The following ZFP30 variants were observed in gnomAD, a reference collection of about 807,000 sequenced individuals.
ZFP30 encodes zinc finger protein 30 homolog.
Under a neutral mutation model 12.3 loss-of-function variants are expected in ZFP30, and 16 were observed. That is an observed-to-expected ratio of 1.30 (90% CI 0.88 to 1.98). The LOEUF (loss-of-function observed/expected upper bound fraction) is 1.98. Ranked by LOEUF, ZFP30 falls within the 30% of genes most tolerant of loss-of-function variation. ZFP30 has a pLI of 0.00. For missense variants in ZFP30, 560 were observed against 611.2 expected, an observed-to-expected ratio of 0.92 and a Z score of 0.88; for synonymous variants, 172 against 201.0, an observed-to-expected ratio of 0.86 and a Z score of 1.22.
At chr19:37,636,450 T>C (rs539763021) in intron 5 of ZFP30, 145 bp from the exon 6 acceptor site, 21 of 845,520 alleles carry the variant, frequency 2.5e-5, no homozygotes, top group Non-Finnish European at 3.4e-5. Flanking sequence ...ATCTCTAAAA[T>C]AGGTAATTTA....
chr19:37,635,688 G>T lies in ZFP30; in HGVS notation c.853C>A (p.Leu285Ile). The T allele has an allele frequency of 6.2e-7, 1 of 1,614,114 alleles. No individual in the cohort carries two copies. Among genetic ancestry groups the T allele is most frequent in the South Asian group, 1.1e-5 (1 of 91,074 alleles). Residue 285 changes from leucine to isoleucine, a missense_variant, in exon 6 of 6, where the codon CTT becomes ATT. Transcript: ENST00000684514. ...CGKAFRQYAH[L>I]TRHQRLNIAE... The stretch of plus-strand genomic sequence containing the variant: ...ATGTTCAGTCTCTGATGTCGAGTAA[G>T]GTGTGCATACTGCCTAAAGGCCTTC...
intron 3 of ZFP30, among the ~76,000 whole-genome samples, chr19:37,646,295 G>A (rs1199195760): frequency 6.6e-6 from 1 of 152,052 alleles, no homozygotes; most frequent in Non-Finnish European, 1.5e-5. Flanking sequence ...TGATGGATAT[G>A]TTACACTTAA....
intron 5 of ZFP30, among the ~76,000 whole-genome samples, chr19:37,637,974 T>C (rs1236377909): frequency 1.3e-5 from 2 of 152,250 alleles, no homozygotes; most frequent in Non-Finnish European, 2.9e-5. Flanking sequence ...TCAACAATTA[T>C]GGCATATGGT....
intron 3 of ZFP30, among the ~76,000 whole-genome samples, chr19:37,647,081 T>C (rs1352363771): frequency 6.6e-6 from 1 of 152,220 alleles, no homozygotes; most frequent in Non-Finnish European, 1.5e-5. Flanking sequence ...ATTTGACTAC[T>C]AGAAAATTTT....
In ZFP30 at chr19:37,654,809, G is replaced by C. The variant is rs2044718879; in HGVS notation, c.-175C>G. On this transcript the variant is annotated 5_prime_UTR_variant, in exon 2 of 6. Transcript: ENST00000684514. ...GGCTGGGGAAGCAGGCAGAGTTCAG[G>C]ACACCCCAGGCTTTTCTTGACTCGA... 1 of 152,252 alleles carries C rather than the reference G, an allele frequency of 6.6e-6. No homozygotes were observed. The highest frequency in any genetic ancestry group is 1.5e-5 in the Non-Finnish European group (1 of 68,140). The allele number at this position is 152,252 out of a possible 1,614,324, so 9.4% of individuals were successfully genotyped here. A position where few individuals can be genotyped will look rare whatever the true frequency, so the allele number is the denominator to read the frequency against.
chr19:37,655,618 C>A (rs886243231), upstream of ZFP30: 1 of 152,486 alleles, frequency 6.6e-6, no homozygotes, highest in African/African-American at 2.4e-5. Context: ...GCCGCAGTGT[C>A]CCTCGCCTCA....
chr19:37,642,887 C>T (rs1453782496), intron 5 of ZFP30, among the ~76,000 whole-genome samples: 1 of 151,732 alleles, frequency 6.6e-6, no homozygotes. Flanking sequence ...CCCGTCTCTA[C>T]TAAAAATTCA....
chr19:37,641,785 C>T (rs2044440824), intron 5 of ZFP30, among the ~76,000 whole-genome samples: 1 of 152,228 alleles, frequency 6.6e-6, no homozygotes, highest in African/African-American at 2.4e-5. Flanking sequence ...TCACAGAATA[C>T]AACTGTTGAC....
At chr19:37,645,078 G>A (rs189303310) in intron 3 of ZFP30, among the ~76,000 whole-genome samples, 2 of 152,192 alleles carry the variant, frequency 1.3e-5, no homozygotes, top group Admixed American at 1.3e-4. Context: ...GGTGGCGGGC[G>A]CCTGTAGTCC....
At position 37,635,513 on chromosome 19, in the gene ZFP30, A is replaced by T. The variant is rs951489722; in HGVS notation, c.1028T>A (p.Leu343His). 5 of 1,613,874 alleles carry T rather than the reference A, an allele frequency of 3.1e-6. No homozygotes were observed. The highest frequency in any genetic ancestry group is 4.2e-6 in the Non-Finnish European group (5 of 1,179,990). The change falls in exon 6 of 6, where the codon CTC (leucine) becomes CAC (histidine). Residue 343 changes from leucine (L) to histidine (H), a missense_variant. Leu to His is a moderately conservative substitution (Grantham distance 99). Transcript: ENST00000684514. Reference protein sequence around the residue: ...KAFRVRQQLTLHQRIHTGEKP... With the variant: ...KAFRVRQQLTHHQRIHTGEKP... ...CTCACCAGTGTGAATTCTCTGATGGAGAGTAAGTTGCTGCCGCACTCTAAA... is the reference window on the plus strand; with the variant it reads ...CTCACCAGTGTGAATTCTCTGATGGTGAGTAAGTTGCTGCCGCACTCTAAA...
chr19:37,634,976 A>G lies in ZFP30; in HGVS notation c.*5T>C. On this transcript the variant is annotated 3_prime_UTR_variant, in exon 6 of 6. Coordinates refer to ENST00000684514, the MANE Select transcript of ZFP30 (RefSeq NM_001320669.3). ...AAATTCGCAAAGGAAGAGTTCTAATAATTATTAAGTTACATTATGAATTCG... is the reference window on the plus strand; with the variant it reads ...AAATTCGCAAAGGAAGAGTTCTAATGATTATTAAGTTACATTATGAATTCG... 6.5e-7 allele frequency: 1 copy of G among 1,530,674 alleles called. No individual in the cohort carries two copies. Among genetic ancestry groups the G allele is most frequent in the South Asian group, 1.3e-5 (1 of 76,046 alleles). The allele number at this position is 1,530,674 out of a possible 1,614,324, so 94.8% of individuals were successfully genotyped here.
At chr19:37,645,694 C>A (rs1388296270) in intron 3 of ZFP30, among the ~76,000 whole-genome samples, 1 of 151,332 alleles carries the variant, frequency 6.6e-6, no homozygotes, top group Non-Finnish European at 1.5e-5. Flanking sequence ...ACAGTACTTG[C>A]AAAGGACCTA....
chr19:37,655,943 G>A, upstream of ZFP30: 1 of 152,536 alleles, frequency 6.6e-6, no homozygotes, highest in Non-Finnish European at 1.5e-5. Context: ...AGGTTTGGAG[G>A]AGGGTGGAGG....
chr19:37,636,046 C>A lies in ZFP30; in HGVS notation c.495G>T (p.Lys165Asn). The change falls in exon 6 of 6, where the codon AAG becomes AAT. Residue 165 changes from lysine (K) to asparagine (N), a missense_variant. By Grantham distance (94) the Lys-to-Asn change is moderately conservative (BLOSUM62 0). Coordinates refer to ENST00000684514, the MANE Select transcript of ZFP30 (RefSeq NM_001320669.3). ...EKPYECGECGKAFRVRQQLTF... is the reference protein window; with the variant it reads ...EKPYECGECGNAFRVRQQLTF... ...TAAGTTGTTGTCGTACTCTAAAAGC[C>A]TTCCCACATTCCCCACATTCGTAGG... The A allele has an allele frequency of 6.2e-7, 1 of 1,614,136 alleles. No individual in the cohort carries two copies. The highest frequency in any genetic ancestry group is 1.1e-5 in the South Asian group (1 of 91,084).
rs2044279868 is a variant in ZFP30, at chr19:37,634,301, G to A, written c.*680C>T. 6.6e-6 allele frequency: 1 copy of A among 152,188 alleles called. No homozygotes were observed. Among genetic ancestry groups the A allele is most frequent in the Non-Finnish European group, 1.5e-5 (1 of 68,036 alleles). 9.4% of individuals were successfully genotyped at this position (152,188 alleles called of 1,614,324 possible). A position where few individuals can be genotyped will look rare whatever the true frequency, so the allele number is the denominator to read the frequency against. The stretch of plus-strand genomic sequence containing the variant: ...TCAGGTTCAATATTTTTGGCAAGAT[G>A]TGTATATCTTACTGTAGCACATTAG... On this transcript the variant is annotated 3_prime_UTR_variant, in exon 6 of 6. Coordinates refer to ENST00000684514, the MANE Select transcript of ZFP30 (RefSeq NM_001320669.3).
intron 5 of ZFP30, among the ~76,000 whole-genome samples, chr19:37,638,183 A>G (rs2044367199): frequency 6.6e-6 from 1 of 152,144 alleles, no homozygotes; most frequent in Non-Finnish European, 1.5e-5. Context: ...TTCAATTCCT[A>G]CTTTGCATAA....
At position 37,635,470 on chromosome 19, in the gene ZFP30, C is replaced by T; in HGVS notation, c.1071G>A (p.Lys357=). Residue 357 remains lysine (K), a synonymous_variant, in exon 6 of 6, where the codon AAG becomes AAA. Coordinates refer to ENST00000684514, the MANE Select transcript of ZFP30 (RefSeq NM_001320669.3). Reference sequence around the variant, plus strand: ...CACGACTGAAAGTCTTCCCACATTCCTTACAATCATAAGGCTTCTCACCAG... The same window carrying T: ...CACGACTGAAAGTCTTCCCACATTCTTTACAATCATAAGGCTTCTCACCAG... ...IHTGEKPYDC[K]ECGKTFSRGY... 6.2e-7 allele frequency: 1 copy of T among 1,614,070 alleles called. No individual in the cohort carries two copies. The highest frequency in any genetic ancestry group is 1.1e-5 in the South Asian group (1 of 91,076).
chr19:37,652,099 C>T (rs999575429), intron 2 of ZFP30, among the ~76,000 whole-genome samples: 1 of 152,020 alleles, frequency 6.6e-6, no homozygotes, highest in Non-Finnish European at 1.5e-5. Context: ...ATTTGAAGAA[C>T]TGTAAATATT....
Position 37,634,676 on chromosome 19 carries a change from A to T in ZFP30, c.*305T>A. 1 of 239,462 alleles carries T rather than the reference A, an allele frequency of 4.2e-6. No individual in the cohort carries two copies. Among genetic ancestry groups the T allele is most frequent in the South Asian group, 1.7e-4 (1 of 5,760 alleles). 14.8% of individuals were successfully genotyped at this position (239,462 alleles called of 1,614,324 possible). ...TTCAGAATGAAGTGGTTCCCTAGCAACCTTCGTGTGTATATACACAGATGG... is the reference window on the plus strand; with the variant it reads ...TTCAGAATGAAGTGGTTCCCTAGCATCCTTCGTGTGTATATACACAGATGG... On this transcript the variant is annotated 3_prime_UTR_variant, in exon 6 of 6. Transcript: ENST00000684514.
Sources: gnomAD v4.1 joint callset for allele counts (sites outside exome capture counted in the v4.1 genomes callset) on GRCh38, gnomAD v4.1.1 for gene constraint, MANE v1.5 for transcripts, NCBI Gene and HGNC (gene_info 2026-07-23, HGNC 2026-07-21) for gene names.